Variants in PTPRT observed in about 807,000 individuals in gnomAD.
PTPRT encodes receptor-type tyrosine-protein phosphatase T.
In PTPRT, 56 loss-of-function variants were observed where a neutral mutation model predicts 176.8. The observed-to-expected ratio is 0.32, with a 90% confidence interval of 0.26 to 0.40. The LOEUF (loss-of-function observed/expected upper bound fraction) is 0.40, where lower values mean the gene tolerates loss of function less well. PTPRT is among the 10% of genes least tolerant of loss of function. The pLI, the probability that PTPRT is intolerant of heterozygous loss-of-function variation, is 1.00. For missense variants in PTPRT, 1,540 were observed against 1,908.2 expected (o/e 0.81, Z 3.60); for synonymous variants, 783 against 739.0 (o/e 1.06, Z -0.96).
intron 1 of PTPRT, among the ~76,000 whole-genome samples, chr20:43,181,429 G>GGGACCTGACTCT (rs1568830562): frequency 6.6e-6 from 1 of 152,098 alleles, no homozygotes; most frequent in South Asian, 2.1e-4. Context: ...ATGGACAGCC[G>GGGACCTGACTCT]GGACCTGACT....
chr20:42,196,203 G>A (rs375856856), intron 16 of PTPRT, among the ~76,000 whole-genome samples: 1 of 152,106 alleles, frequency 6.6e-6, no homozygotes, highest in African/African-American at 2.4e-5. Context: ...GGATGAATTG[G>A]TATTACTTGA....
intron 2 of PTPRT, among the ~76,000 whole-genome samples, chr20:42,806,640 T>G (rs1412718772): frequency 6.6e-6 from 1 of 152,120 alleles, no homozygotes; most frequent in African/African-American, 2.4e-5. Flanking sequence ...AAAGTTTTTG[T>G]TAACAACTAC....
chr20:42,894,298 G>C (rs1297653870), intron 1 of PTPRT, among the ~76,000 whole-genome samples: 2 of 152,114 alleles, frequency 1.3e-5, no homozygotes, highest in Non-Finnish European at 2.9e-5. Context: ...CGGTTTGCAA[G>C]GACCAAGTAA....
chr20:43,034,222 A>G (rs907263363), intron 1 of PTPRT, among the ~76,000 whole-genome samples: 3 of 152,232 alleles, frequency 2.0e-5, no homozygotes, highest in Admixed American at 6.5e-5. Context: ...CCAGGTCACA[A>G]TAGCTTCTCA....
chr20:42,195,006 TG>T (rs1469167244), intron 16 of PTPRT, among the ~76,000 whole-genome samples: 2 of 151,936 alleles, frequency 1.3e-5, no homozygotes, highest in African/African-American at 4.8e-5. Context: ...GGGCCTGTTG[TG>T]GGGTGGGGGA....
At chr20:43,174,259 T>C (rs1252213392) in intron 1 of PTPRT, among the ~76,000 whole-genome samples, 2 of 152,196 alleles carry the variant, frequency 1.3e-5, no homozygotes, top group Non-Finnish European at 2.9e-5. Flanking sequence ...TGACTAGCTG[T>C]GTGACCTAGG....
intron 16 of PTPRT, among the ~76,000 whole-genome samples, chr20:42,183,037 A>G (rs1990589892): frequency 1.3e-5 from 2 of 151,120 alleles, no homozygotes; most frequent in Admixed American, 1.3e-4. Context: ...AGCTTTATCC[A>G]CTCCCACTCT....
chr20:42,243,838 C>T (rs576179867), intron 14 of PTPRT, among the ~76,000 whole-genome samples: 1 of 152,320 alleles, frequency 6.6e-6, no homozygotes, highest in African/African-American at 2.4e-5. Flanking sequence ...AAACAAGCAA[C>T]AGACCTAACC....
intron 7 of PTPRT, among the ~76,000 whole-genome samples, chr20:42,488,504 T>C (rs1409322544): frequency 6.6e-6 from 1 of 152,218 alleles, no homozygotes; most frequent in Non-Finnish European, 1.5e-5. Flanking sequence ...AGTTTGAGAA[T>C]TTCTTCCTAT....
intron 1 of PTPRT, among the ~76,000 whole-genome samples, chr20:42,961,619 T>G (rs1981989132): frequency 6.6e-6 from 1 of 152,034 alleles, no homozygotes; most frequent in Non-Finnish European, 1.5e-5. Context: ...AGAAACCAAC[T>G]CAACTGCCTT....
At position 42,352,231 on chromosome 20, in the gene PTPRT, T is replaced by G; in HGVS notation, c.1615A>C (p.Arg539=). 1 of 1,614,112 alleles carries G rather than the reference T, an allele frequency of 6.2e-7. No individual in the cohort carries two copies. The highest frequency in any genetic ancestry group is 8.5e-7 in the Non-Finnish European group (1 of 1,180,020). Residue 539 remains arginine, a synonymous_variant, in exon 10 of 31, where the codon AGG becomes CGG. Coordinates refer to ENST00000373187, the MANE Select transcript of PTPRT (RefSeq NM_007050.6). ...TTCCGGAGCTTGAACACTTTCCCCC[T>G]CTGGCTCGAGAGGTCAGCACTTGGG... ...LDPSADLSSQ[R]GKVFKLRNET...
At chr20:43,118,149 T>C (rs111289441) in intron 1 of PTPRT, among the ~76,000 whole-genome samples, 5 of 152,230 alleles carry the variant, frequency 3.3e-5, no homozygotes, top group African/African-American at 1.2e-4. Flanking sequence ...ACCAGCTGTA[T>C]GTAAACAAAT....
rs184948790 is a variant in PTPRT, at chr20:42,287,771, C to A, written c.2140-5246G>T. ...GTAAATATTCAAAATGATGAATATG[C>A]TAATTACCTTGATCTGATCACTATT... On this transcript the variant is annotated intron_variant, in intron 12 of 30. Transcript: ENST00000373187. Among the ~76,000 whole-genome samples, 3 of 151,920 alleles carry A rather than the reference C, an allele frequency of 2.0e-5. No individual in the cohort carries two copies. The East Asian group carries it at 5.8e-4, about 29-fold the overall frequency.
At chr20:42,589,255 T>C (rs529613791) in intron 7 of PTPRT, among the ~76,000 whole-genome samples, 9 of 152,302 alleles carry the variant, frequency 5.9e-5, no homozygotes, top group African/African-American at 2.2e-4. Context: ...CATTTAATCT[T>C]GTGCATTTCT....
the PTPRT span, among the ~76,000 whole-genome samples, chr20:42,049,865 C>T: frequency 2.0e-5 from 3 of 152,198 alleles, no homozygotes; most frequent in Non-Finnish European, 4.4e-5. Context: ...AGATCAGCAT[C>T]CCTCTGCAAG....
At chr20:42,386,270 G>A (rs866086854) in intron 9 of PTPRT, among the ~76,000 whole-genome samples, 3 of 152,216 alleles carry the variant, frequency 2.0e-5, no homozygotes, top group Middle Eastern at 3.4e-3. Flanking sequence ...ACTAATAAAA[G>A]GTATTATACA....
At chr20:42,520,070 T>C (rs2072143025) in intron 7 of PTPRT, among the ~76,000 whole-genome samples, 1 of 152,158 alleles carries the variant, frequency 6.6e-6, no homozygotes, top group Non-Finnish European at 1.5e-5. Flanking sequence ...ACCAACTCTC[T>C]TTTTGTTAGT....
chr20:43,174,141 T>C (rs1332167037), intron 1 of PTPRT, among the ~76,000 whole-genome samples: 1 of 152,186 alleles, frequency 6.6e-6, no homozygotes. Flanking sequence ...AGTATGAATT[T>C]TGCACAGCAC....
chr20:42,559,832 G>A (rs192830073), intron 7 of PTPRT, among the ~76,000 whole-genome samples: 1 of 152,298 alleles, frequency 6.6e-6, no homozygotes, highest in Non-Finnish European at 1.5e-5. Flanking sequence ...AGTTCATTGT[G>A]CTAGAAAAAT....
Sources: gnomAD v4.1 joint callset for allele counts (sites outside exome capture counted in the v4.1 genomes callset) on GRCh38, gnomAD v4.1.1 for gene constraint, MANE v1.5 for transcripts, NCBI Gene and HGNC (gene_info 2026-07-23, HGNC 2026-07-21) for gene names.